The following PHLPP2 variants were observed in gnomAD, a reference collection of about 807,000 sequenced individuals.
PHLPP2 encodes PH domain leucine-rich repeat-containing protein phosphatase 2.
A neutral mutation model predicts 124.9 loss-of-function variants in PHLPP2; 66 were observed. That is an observed-to-expected ratio of 0.53 (90% CI 0.43 to 0.65). The LOEUF is 0.65. Ranked by LOEUF, PHLPP2 falls within the 30% of genes least tolerant of loss-of-function variation. The pLI is 0.00. For synonymous variants in PHLPP2, 681 were observed against 624.7 expected, an observed-to-expected ratio of 1.09 and a Z score of -1.34; for missense variants, 1,685 against 1,600.4, an observed-to-expected ratio of 1.05 and a Z score of -0.90.
At position 71,648,833 on chromosome 16, in the gene PHLPP2, G is replaced by T; in HGVS notation, c.*57C>A. 1 of 1,274,180 alleles carries T rather than the reference G, an allele frequency of 7.8e-7. No homozygotes were observed. Among genetic ancestry groups the T allele is most frequent in the Non-Finnish European group, 1.1e-6 (1 of 898,238 alleles). 78.9% of individuals were successfully genotyped at this position (1,274,180 alleles called of 1,614,324 possible). A position where few individuals can be genotyped will look rare whatever the true frequency, so the allele number is the denominator to read the frequency against. On this transcript the variant is annotated 3_prime_UTR_variant, in exon 19 of 19. Transcript: ENST00000568954. ...GAAATGTAGAGGCAGAATGCCTCTAGCAAGTCCCTACCCCAACCCTGCACA... is the reference window on the plus strand; with the variant it reads ...GAAATGTAGAGGCAGAATGCCTCTATCAAGTCCCTACCCCAACCCTGCACA...
intron 16 of PHLPP2, among the ~76,000 whole-genome samples, chr16:71,656,031 A>G (rs1199571173): frequency 1.3e-5 from 2 of 152,170 alleles, no homozygotes; most frequent in African/African-American, 2.4e-5. Context: ...AGCTTTGTCA[A>G]GGCCTATCAG....
intron 6 of PHLPP2, among the ~76,000 whole-genome samples, chr16:71,680,047 C>T (rs2044983015): frequency 6.6e-6 from 1 of 151,528 alleles, no homozygotes; most frequent in African/African-American, 2.4e-5. Flanking sequence ...TGCGCCACTG[C>T]ACTCCAGCCT....
intron 13 of PHLPP2, among the ~76,000 whole-genome samples, chr16:71,659,375 C>G (rs1409673432): frequency 1.3e-5 from 2 of 151,842 alleles, no homozygotes; most frequent in Non-Finnish European, 2.9e-5. Context: ...CCTCAGCCTC[C>G]CGAGTAGCTG....
At chr16:71,653,711 C>T (rs1305663247) in intron 17 of PHLPP2, among the ~76,000 whole-genome samples, 1 of 152,136 alleles carries the variant, frequency 6.6e-6, no homozygotes, top group Non-Finnish European at 1.5e-5. Context: ...AAAATACTTG[C>T]TACAATTCCT....
intron 12 of PHLPP2, among the ~76,000 whole-genome samples, chr16:71,666,466 T>C (rs994088728): frequency 2.0e-5 from 3 of 152,166 alleles, no homozygotes; most frequent in Non-Finnish European, 4.4e-5. Context: ...TGAGCTATGA[T>C]TGCACCACTG....
chr16:71,676,930 G>A (rs1567618670), intron 8 of PHLPP2: 1 of 367,204 alleles, frequency 2.7e-6, no homozygotes, highest in East Asian at 6.8e-5. Flanking sequence ...TGTATTTTTA[G>A]TAGAGCTGGG....
chr16:71,673,720 C>T (rs1040669679), intron 9 of PHLPP2, among the ~76,000 whole-genome samples: 6 of 151,896 alleles, frequency 4.0e-5, no homozygotes, highest in African/African-American at 1.5e-4. Flanking sequence ...GGACTGTGTG[C>T]CTGTTGATGA....
Position 71,676,596 on chromosome 16 carries a change from A to T in PHLPP2, c.1322T>A (p.Ile441Asn). The T allele has an allele frequency of 6.2e-7, 1 of 1,614,072 alleles. No individual in the cohort carries two copies. The highest frequency in any genetic ancestry group is 8.5e-7 in the Non-Finnish European group (1 of 1,179,900). The change falls in exon 9 of 19, where the codon ATC becomes AAC. Residue 441 changes from isoleucine (I) to asparagine (N), a missense_variant. Ile to Asn is a moderately radical substitution (Grantham distance 149). Coordinates refer to ENST00000568954, the MANE Select transcript of PHLPP2 (RefSeq NM_015020.3). ...GTTGTCCCGCAGATCCACGTGGGTG[A>T]TGTGTTTATTTCCCTCCAGATTTTC... ...VIENLEGNKH[I>N]THVDLRDNRL...
intron 4 of PHLPP2, 128 bp downstream of exon 4, chr16:71,690,391 T>C (rs2045098321): frequency 1.5e-6 from 1 of 686,022 alleles, no homozygotes; most frequent in Non-Finnish European, 2.5e-6. Flanking sequence ...CAGTCTCTGA[T>C]ATAATCTTTA....
chr16:71,688,608 G>GTTTT (rs371183298), intron 4 of PHLPP2, among the ~76,000 whole-genome samples: 28 of 125,652 alleles, frequency 2.2e-4, no homozygotes, highest in Non-Finnish European at 2.9e-4. Flanking sequence ...TTCTCTGTGG[G>GTTTT]TTTTTTTTTT....
chr16:71,694,678 T>C (rs2145359036), intron 3 of PHLPP2, among the ~76,000 whole-genome samples: 1 of 152,178 alleles, frequency 6.6e-6, no homozygotes, highest in Middle Eastern at 3.4e-3. Context: ...AAAATATCAA[T>C]GAGTAGTTCA....
intron 11 of PHLPP2, 56 bp downstream of exon 11, chr16:71,669,219 T>A (rs1387348748): frequency 1.6e-6 from 2 of 1,233,124 alleles, no homozygotes; most frequent in Non-Finnish European, 2.3e-6. Context: ...AAAATTTAAA[T>A]ACGCACACAC....
At chr16:71,705,403 T>C (rs2045266259) in intron 2 of PHLPP2, among the ~76,000 whole-genome samples, 1 of 152,180 alleles carries the variant, frequency 6.6e-6, no homozygotes, top group Non-Finnish European at 1.5e-5. Context: ...CTGAAAGAAA[T>C]GGAAGCATCC....
chr16:71,717,185 T>C (rs1275755105), intron 1 of PHLPP2, among the ~76,000 whole-genome samples: 1 of 152,150 alleles, frequency 6.6e-6, no homozygotes, highest in Non-Finnish European at 1.5e-5. Flanking sequence ...TATTCCTCAT[T>C]GGAAAATAGA....
At chr16:71,667,423 T>G in intron 11 of PHLPP2, 90 bp from the exon 12 acceptor site, 1 of 993,926 alleles carries the variant, frequency 1.0e-6, no homozygotes, top group Non-Finnish European at 1.5e-6. Context: ...TGAAATTAGT[T>G]AACTTATAGA....
chr16:71,674,590 T>C (rs938822451), intron 9 of PHLPP2, among the ~76,000 whole-genome samples: 5 of 151,938 alleles, frequency 3.3e-5, no homozygotes, highest in Non-Finnish European at 7.4e-5. Flanking sequence ...CAAAAAAAAG[T>C]GTGCAATTTA....
At chr16:71,679,268 G>T in intron 7 of PHLPP2, 121 bp downstream of exon 7, 1 of 872,910 alleles carries the variant, frequency 1.1e-6, no homozygotes, top group South Asian at 1.6e-5. Flanking sequence ...CTGCTGACTA[G>T]AATCCTAAGT....
chr16:71,649,155 T>G lies in PHLPP2; in HGVS notation c.3707A>C (p.Tyr1236Ser). Residue 1236 changes from tyrosine to serine, a missense_variant, in exon 19 of 19, where the codon TAT (tyrosine) becomes TCT (serine). Physicochemically the swap from Tyr to Ser is moderately radical, Grantham distance 144 (BLOSUM62 -2). Coordinates refer to ENST00000568954, the MANE Select transcript of PHLPP2 (RefSeq NM_015020.3). ...AGAGCCATTGGAGAGTTTCTTCCCA[T>G]AGAGGCAGGAGGTGGAGGGAGACTT... is the stretch of plus-strand genomic sequence containing the variant. ...LQKSPSTSCL[Y>S]GKKLSNGSIV... The G allele has an allele frequency of 2.5e-6, 4 of 1,614,160 alleles. No homozygotes were observed. The highest frequency in any genetic ancestry group is 3.4e-6 in the Non-Finnish European group (4 of 1,180,012).
chr16:71,717,694 A>C (rs2045372056), intron 1 of PHLPP2, among the ~76,000 whole-genome samples: 1 of 152,224 alleles, frequency 6.6e-6, no homozygotes, highest in African/African-American at 2.4e-5. Flanking sequence ...GGGAAAGATT[A>C]ACTGGACCAT....
Sources: allele counts gnomAD v4.1 joint callset (sites outside exome capture counted in the v4.1 genomes callset), GRCh38; gene constraint gnomAD v4.1.1; transcripts MANE v1.5; gene names NCBI Gene and HGNC (gene_info 2026-07-23, HGNC 2026-07-21).